CD99: variants seen among roughly 807,000 people sequenced by gnomAD.
CD99 encodes CD99 molecule (Xg blood group).
Under a neutral mutation model 28.4 loss-of-function variants are expected in CD99, and 19 were observed. The ratio of observed to expected loss-of-function variants is 0.67; its 90% CI spans 0.47 to 0.98. The LOEUF (loss-of-function observed/expected upper bound fraction) is 0.98. Ranked by LOEUF, CD99 falls within the 50% of genes least tolerant of loss-of-function variation. The pLI is 0.00. For missense variants in CD99, 283 were observed against 248.8 expected, an observed-to-expected ratio of 1.14 and a Z score of -0.92; for synonymous variants, 103 against 92.1, an observed-to-expected ratio of 1.12 and a Z score of -0.67.
At chrX:2,717,917 C>T in intron 3 of CD99, 3 of 423,064 alleles carry the variant, frequency 7.1e-6, no homozygotes, top group East Asian at 3.9e-5. Flanking sequence ...CTGAGTTACT[C>T]TGTCTTTAGA....
Position 2,714,847 on chromosome X carries a change from C to T in CD99, c.100+393C>T, listed in dbSNP as rs375214767. On this transcript the variant is annotated intron_variant, in intron 2 of 9. Transcript: ENST00000381192. Reference sequence around the variant, plus strand: ...AAGACAAAGTGCAGTGAAGGAGGTCCGCCTGTATGTGTCCACCTGCCTTAT... The same window carrying T: ...AAGACAAAGTGCAGTGAAGGAGGTCTGCCTGTATGTGTCCACCTGCCTTAT... 1.7e-4 allele frequency: 30 copies of T among 173,954 alleles called. 2 individuals are homozygous for T. The highest frequency in any genetic ancestry group is 1.2e-3 in the Admixed American group (20 of 16,174). The allele number at this position is 173,954 out of a possible 1,614,324, so 10.8% of individuals were successfully genotyped here. A position where few individuals can be genotyped will look rare whatever the true frequency, so the allele number is the denominator to read the frequency against.
intron 3 of CD99, among the ~76,000 whole-genome samples, chrX:2,718,478 T>C (rs1175903547): frequency 1.3e-5 from 2 of 151,888 alleles, no homozygotes; most frequent in African/African-American, 4.8e-5. Flanking sequence ...ACACCATTCT[T>C]CTGCCTCAGC....
At chrX:2,726,032 G>C (rs2049263542) in intron 7 of CD99, among the ~76,000 whole-genome samples, 1 of 152,116 alleles carries the variant, frequency 6.6e-6, no homozygotes, top group Non-Finnish European at 1.5e-5. Context: ...CTCCCTCCAT[G>C]GTCTGACCAG....
intron 2 of CD99, 95 bp downstream of exon 2, chrX:2,714,549 AC>A: frequency 9.3e-7 from 1 of 1,080,354 alleles, no homozygotes; most frequent in Non-Finnish European, 1.4e-6. Flanking sequence ...TAGGTTCTAG[AC>A]CACCGCAATA....
chrX:2,729,426 G>A (rs2049474665), intron 8 of CD99, among the ~76,000 whole-genome samples: 4 of 87,368 alleles, frequency 4.6e-5, no homozygotes, highest in Admixed American at 4.0e-4. Context: ...TGGCTGGGGA[G>A]GCCTCAGGAA....
intron 4 of CD99, 101 bp downstream of exon 4, chrX:2,719,806 C>A (rs1272058564): frequency 7.8e-7 from 1 of 1,274,824 alleles, no homozygotes; most frequent in Non-Finnish European, 1.1e-6. Context: ...ATAAAGGGAA[C>A]CAGTTTTCAC....
chrX:2,707,349 GA>G (rs1246975772), intron 1 of CD99, among the ~76,000 whole-genome samples: 3 of 147,670 alleles, frequency 2.0e-5, no homozygotes, highest in African/African-American at 7.7e-5. Context: ...GAAAAGAAAA[GA>G]AAAAAACAGC....
chrX:2,727,308 C>G (rs780869503), intron 8 of CD99: 3 of 779,340 alleles, frequency 3.8e-6, no homozygotes, highest in South Asian at 2.7e-5. Flanking sequence ...CTGGCAGGCT[C>G]TTTGGGACCT....
Position 2,735,410 on chromosome X carries a change from G to A in CD99, c.476-2790G>A, listed in dbSNP as rs1469351721. Among the ~76,000 whole-genome samples, 9 of 152,114 alleles carry A rather than the reference G, an allele frequency of 5.9e-5. No homozygotes were observed. In the South Asian group the frequency reaches 1.5e-3, roughly 25 times the overall value. Reference sequence around the variant, plus strand: ...GAAGGGTATGTGGGTAGGGGTGTACGGAGCATCTCATGAGACCAGTTCTCC... The same window carrying A: ...GAAGGGTATGTGGGTAGGGGTGTACAGAGCATCTCATGAGACCAGTTCTCC... On this transcript the variant is annotated intron_variant, in intron 8 of 9. Transcript: ENST00000381192.
intron 1 of CD99, among the ~76,000 whole-genome samples, chrX:2,701,093 C>T (rs1176655603): frequency 6.6e-6 from 1 of 151,616 alleles, no homozygotes; most frequent in East Asian, 1.9e-4. Context: ...CCACCCTTAC[C>T]TCCATCCATC....
chrX:2,723,308 T>C lies in CD99; in HGVS notation c.311-6T>C, dbSNP rs932870272. 1.2e-6 allele frequency: 2 copies of C among 1,613,822 alleles called. No individual in the cohort carries two copies. Among genetic ancestry groups the C allele is most frequent in the African/African-American group, 2.7e-5 (2 of 74,906 alleles). Reference sequence around the variant, plus strand: ...TCCCATTGCAGACGTTGTTTTTGTCTTGCAGGAAAAGGAGGCAGTGATGGT... The same window carrying C: ...TCCCATTGCAGACGTTGTTTTTGTCCTGCAGGAAAAGGAGGCAGTGATGGT... On this transcript the variant is annotated splice_region_variant and splice_polypyrimidine_tract_variant and intron_variant, in intron 6 of 9. Coordinates refer to ENST00000381192, the MANE Select transcript of CD99 (RefSeq NM_002414.5).
chrX:2,740,524 G>A (rs2050148366), intron 9 of CD99, among the ~76,000 whole-genome samples: 1 of 151,978 alleles, frequency 6.6e-6, no homozygotes, highest in Admixed American at 6.6e-5. Context: ...TCTCTGTGAC[G>A]TCGTTAGTGG....
rs1317903566 is a variant in CD99 at position 2,714,412 on chromosome X, T to TC, written c.68-9dup. The stretch of plus-strand genomic sequence containing the variant: ...CTTGTTTCTAAGTTGACTCTTTTTT[T>TC]CTCTCTTAGATGGTGGTTTCGATTT... On this transcript the variant is annotated splice_polypyrimidine_tract_variant and intron_variant, in intron 1 of 9. Coordinates refer to ENST00000381192, the MANE Select transcript of CD99 (RefSeq NM_002414.5). 3.2e-6 allele frequency: 5 copies of TC among 1,580,264 alleles called. No individual in the cohort carries two copies. The highest frequency in any genetic ancestry group is 4.3e-6 in the Non-Finnish European group (5 of 1,155,296).
intron 6 of CD99, 73 bp downstream of exon 6, chrX:2,722,747 C>A: frequency 1.4e-6 from 2 of 1,421,372 alleles, no homozygotes; most frequent in Non-Finnish European, 2.0e-6. Flanking sequence ...AGAATCACTA[C>A]AGGGTCTAAA....
intron 8 of CD99, among the ~76,000 whole-genome samples, chrX:2,736,816 C>T (rs751792967): frequency 5.9e-4 from 89 of 151,916 alleles, no homozygotes; most frequent in African/African-American, 1.6e-3. Flanking sequence ...GATATCGCGC[C>T]ACTGCACTCC....
intron 8 of CD99, chrX:2,733,231 T>A: frequency 1.0e-6 from 1 of 1,002,120 alleles, no homozygotes; most frequent in Non-Finnish European, 1.5e-6. Flanking sequence ...CATTACTTCC[T>A]TGCTCAGAGC....
At chrX:2,729,151 C>T (rs1250073544) in intron 8 of CD99, among the ~76,000 whole-genome samples, 5 of 152,114 alleles carry the variant, frequency 3.3e-5, no homozygotes, top group Non-Finnish European at 7.4e-5. Flanking sequence ...TTTAGAATCC[C>T]AGACAATTGT....
chrX:2,729,335 C>T (rs2049469422), intron 8 of CD99, among the ~76,000 whole-genome samples: 2 of 152,046 alleles, frequency 1.3e-5, no homozygotes, highest in African/African-American at 2.4e-5. Context: ...TGTATTAGTC[C>T]GTTTTCACAC....
intron 8 of CD99, chrX:2,727,378 G>A (rs376117764): frequency 9.0e-6 from 7 of 775,346 alleles, no homozygotes; most frequent in African/African-American, 3.4e-5. Context: ...CACAGCTAAC[G>A]TGCATGCATC....
Sources: allele counts gnomAD v4.1 joint callset (sites outside exome capture counted in the v4.1 genomes callset), GRCh38; gene constraint gnomAD v4.1.1; transcripts MANE v1.5; gene names NCBI Gene and HGNC (gene_info 2026-07-23, HGNC 2026-07-21).